Variants in ITGB6 observed in about 807,000 individuals in gnomAD.
ITGB6 encodes integrin subunit beta 6, also known as integrin beta-6.
A neutral mutation model predicts 84.5 loss-of-function variants in ITGB6; 80 were observed. The ratio of observed to expected loss-of-function variants is 0.95; its 90% CI spans 0.79 to 1.14. The LOEUF is 1.14. ITGB6 is among the 50% of genes most tolerant of loss of function. The pLI is 0.00. For synonymous variants in ITGB6, 383 were observed against 354.9 expected, an observed-to-expected ratio of 1.08 and a Z score of -0.89; for missense variants, 1,006 against 968.0, an observed-to-expected ratio of 1.04 and a Z score of -0.52.
chr2:160,171,934 A>T (rs1279100387), intron 6 of ITGB6, among the ~76,000 whole-genome samples: 1 of 152,198 alleles, frequency 6.6e-6, no homozygotes, highest in Non-Finnish European at 1.5e-5. Flanking sequence ...TATTCCAGGC[A>T]GAGGGAATAA....
chr2:160,161,489 C>T (rs2105852636), intron 7 of ITGB6, among the ~76,000 whole-genome samples: 1 of 152,218 alleles, frequency 6.6e-6, no homozygotes, highest in Non-Finnish European at 1.5e-5. Context: ...CGGGATTTCA[C>T]CATGTTGGCC....
At chr2:160,106,480 C>A (rs559362075) in intron 14 of ITGB6, among the ~76,000 whole-genome samples, 3 of 152,324 alleles carry the variant, frequency 2.0e-5, no homozygotes, top group Admixed American at 2.0e-4. Flanking sequence ...GTGATCCAAT[C>A]CTCCTGTCTT....
At chr2:160,132,790 G>A (rs893971870) in intron 10 of ITGB6, among the ~76,000 whole-genome samples, 6 of 152,026 alleles carry the variant, frequency 3.9e-5, no homozygotes, top group East Asian at 3.8e-4. Context: ...AAACTATAGC[G>A]ATTTTACATC....
Position 160,169,230 on chromosome 2 carries a change from T to A in ITGB6, c.999A>T (p.Glu333Asp). 1 of 1,600,914 alleles carries A rather than the reference T, an allele frequency of 6.2e-7. No homozygotes were observed. The highest frequency in any genetic ancestry group is 2.2e-5 in the East Asian group (1 of 44,746). The change falls in exon 7 of 15, where the codon GAA (glutamate) becomes GAT (aspartate). Residue 333 changes from glutamate (E) to aspartate (D), a missense_variant. By Grantham distance (45) the Glu-to-Asp change is conservative (BLOSUM62 2). Coordinates refer to ENST00000283249, the MANE Select transcript of ITGB6 (RefSeq NM_000888.5). Reference protein sequence around the residue: ...NVLLIFAVTQEQVHLYENYAK... With the variant: ...NVLLIFAVTQDQVHLYENYAK... ...TGCTTACCTCATATAAATGAACTTG[T>A]TCTTGGGTTACAGCGAAGATCAATA... is the stretch of plus-strand genomic sequence containing the variant.
chr2:160,139,723 C>A (rs148558766), intron 8 of ITGB6, among the ~76,000 whole-genome samples: 196 of 152,220 alleles, frequency 1.3e-3, no homozygotes, highest in African/African-American at 4.6e-3. Context: ...TTGTATTTTT[C>A]ATAGTTTCAT....
chr2:160,192,238 G>T (rs570270951), intron 4 of ITGB6, among the ~76,000 whole-genome samples: 4 of 152,220 alleles, frequency 2.6e-5, no homozygotes, highest in African/African-American at 4.8e-5. Context: ...CTCTGTAAGG[G>T]GGGTAGTGAG....
intron 4 of ITGB6, among the ~76,000 whole-genome samples, chr2:160,190,376 G>T (rs1574143852): frequency 6.6e-6 from 1 of 152,096 alleles, no homozygotes; most frequent in Admixed American, 6.6e-5. Context: ...CACTCTTTGT[G>T]ATTGGCATTG....
intron 4 of ITGB6, among the ~76,000 whole-genome samples, chr2:160,193,972 C>A (rs1034183839): frequency 3.3e-5 from 5 of 152,182 alleles, no homozygotes; most frequent in Non-Finnish European, 5.9e-5. Context: ...GCCTGGCCAA[C>A]ATAGCGAAAC....
intron 14 of ITGB6, 69 bp from the exon 15 acceptor site, chr2:160,101,903 G>T: frequency 1.2e-6 from 1 of 831,470 alleles, no homozygotes; most frequent in Non-Finnish European, 2.0e-6. Flanking sequence ...AATACGTAGT[G>T]CAAATTGGAA....
chr2:160,126,469 A>G lies in ITGB6; in HGVS notation c.1793T>C (p.Val598Ala). 6.2e-7 allele frequency: 1 copy of G among 1,614,186 alleles called. No individual in the cohort carries two copies. The highest frequency in any genetic ancestry group is 8.5e-7 in the Non-Finnish European group (1 of 1,180,032). Residue 598 changes from valine (V) to alanine (A), a missense_variant, in exon 11 of 15, where the codon GTT becomes GCT. Coordinates refer to ENST00000283249, the MANE Select transcript of ITGB6 (RefSeq NM_000888.5). Reference sequence around the variant, plus strand: ...GTTTGTGCAAACACACTTGCCACAAACACAGTCCCCGCGCCCGCTGCAGAG... The same window carrying G: ...GTTTGTGCAAACACACTTGCCACAAGCACAGTCCCCGCGCCCGCTGCAGAG... ...GVLCSGRGDC[V>A]CGKCVCTNPG...
rs183462185 is a variant in ITGB6 at position 160,156,956 on chromosome 2, C to G, written c.1017+12256G>C. Reference sequence around the variant, plus strand: ...GTTCATTTCCTTGGGTTGCCGAAGTCCCACAAACTGGGTGGCTTGCAACAA... The same window carrying G: ...GTTCATTTCCTTGGGTTGCCGAAGTGCCACAAACTGGGTGGCTTGCAACAA... On this transcript the variant is annotated intron_variant, in intron 7 of 14. Coordinates refer to ENST00000283249, the MANE Select transcript of ITGB6 (RefSeq NM_000888.5). 3.9e-3 allele frequency among the ~76,000 whole-genome samples: 586 copies of G among 152,196 alleles called. 5 individuals carry two copies. The highest frequency in any genetic ancestry group is 2.8e-3 in the Non-Finnish European group (190 of 68,008).
intron 4 of ITGB6, among the ~76,000 whole-genome samples, chr2:160,194,097 C>T (rs1559235403): frequency 6.6e-6 from 1 of 152,144 alleles, no homozygotes; most frequent in East Asian, 1.9e-4. Flanking sequence ...GCAGAGGTTA[C>T]AGTGAGCCGA....
Position 160,147,583 on chromosome 2 carries a change from T to C in ITGB6, c.1018-5512A>G, listed in dbSNP as rs113574467. Among the ~76,000 whole-genome samples, 1,330 of 152,300 alleles carry C rather than the reference T, an allele frequency of 8.7e-3. 28 individuals are homozygous for C. The highest frequency in any genetic ancestry group is 0.031 in the African/African-American group (1,284 of 41,552). ...GACACTATCTGACTTCAAGACTTAC[T>C]ATAAAGCTGAAGCAATCCAAAGAGT... On this transcript the variant is annotated intron_variant, in intron 7 of 14. Coordinates refer to ENST00000283249, the MANE Select transcript of ITGB6 (RefSeq NM_000888.5).
At chr2:160,108,333 C>G (rs1347265809) in intron 13 of ITGB6, among the ~76,000 whole-genome samples, 1 of 150,694 alleles carries the variant, frequency 6.6e-6, no homozygotes, top group Non-Finnish European at 1.5e-5. Context: ...TATATAAAAA[C>G]CTATCCCTTG....
At chr2:160,170,789 A>G (rs770846620) in intron 6 of ITGB6, among the ~76,000 whole-genome samples, 6 of 152,230 alleles carry the variant, frequency 3.9e-5, no homozygotes, top group Non-Finnish European at 8.8e-5. Context: ...TTATTCAGAA[A>G]GAACAACTTG....
At chr2:160,173,508 C>T (rs1028990609) in intron 5 of ITGB6, among the ~76,000 whole-genome samples, 2 of 152,140 alleles carry the variant, frequency 1.3e-5, no homozygotes, top group Admixed American at 6.6e-5. Flanking sequence ...GTCAGACAGT[C>T]AAGGAGGAGC....
At chr2:160,180,586 A>G (rs1685625355) in intron 4 of ITGB6, among the ~76,000 whole-genome samples, 1 of 152,190 alleles carries the variant, frequency 6.6e-6, no homozygotes, top group Non-Finnish European at 1.5e-5. Context: ...GAGACCTTGC[A>G]GGAGGTCCTT....
At chr2:160,108,712 T>C (rs1252504965) in intron 13 of ITGB6, among the ~76,000 whole-genome samples, 1 of 152,224 alleles carries the variant, frequency 6.6e-6, no homozygotes, top group East Asian at 1.9e-4. Flanking sequence ...TTCTAAATTA[T>C]TCTTATCCTC....
At chr2:160,106,757 A>G (rs75252926) in intron 14 of ITGB6, among the ~76,000 whole-genome samples, 2 of 152,244 alleles carry the variant, frequency 1.3e-5, no homozygotes, top group African/African-American at 4.8e-5. Context: ...AGATAAATTT[A>G]TCAAAAATGG....
Sources: gnomAD v4.1 joint callset for allele counts (sites outside exome capture counted in the v4.1 genomes callset) on GRCh38, gnomAD v4.1.1 for gene constraint, MANE v1.5 for transcripts, NCBI Gene and HGNC (gene_info 2026-07-23, HGNC 2026-07-21) for gene names.